The following CALCR variants were observed in gnomAD, a reference collection of about 807,000 sequenced individuals.
CALCR encodes the protein calcitonin receptor.
Under a neutral mutation model 59.5 loss-of-function variants are expected in CALCR, and 47 were observed. The observed-to-expected ratio is 0.79, with a 90% CI of 0.63 to 1.01. The LOEUF is 1.01. CALCR is among the 50% of genes least tolerant of loss of function. The pLI is 0.00. For synonymous variants in CALCR, 213 were observed against 211.3 expected, an observed-to-expected ratio of 1.01 and a Z score of -0.07; for missense variants, 566 against 597.1, an observed-to-expected ratio of 0.95 and a Z score of 0.54.
At chr7:93,446,668 G>A (rs1199851701) in intron 8 of CALCR, among the ~76,000 whole-genome samples, 1 of 151,850 alleles carries the variant, frequency 6.6e-6, no homozygotes, top group Non-Finnish European at 1.5e-5. Context: ...CAAAATGATG[G>A]GGCCTCTTGA....
chr7:93,523,976 A>G (rs1163543584), intron 2 of CALCR, among the ~76,000 whole-genome samples: 3 of 151,982 alleles, frequency 2.0e-5, no homozygotes, highest in Non-Finnish European at 4.4e-5. Flanking sequence ...CAGATAATGT[A>G]TTTATAACTC....
chr7:93,559,275 T>C (rs1018793110), intron 2 of CALCR, among the ~76,000 whole-genome samples: 3 of 152,102 alleles, frequency 2.0e-5, no homozygotes, highest in African/African-American at 7.2e-5. Flanking sequence ...TCCTGCTTAA[T>C]TAGATACTGA....
rs1800741648 is a variant in CALCR at position 93,479,381 on chromosome 7, G to A, written c.178C>T (p.Gln60Ter). The part of the protein sequence containing the change: ...DAQYKCYDRM[Q>*]QLPAYQGEGP... ...TCTCCTTGGTATGCGGGTAACTGCT[G>A]CATTCGGTCATAGCATTTGTACTGT... is the stretch of plus-strand genomic sequence containing the variant. Residue 60 changes from glutamine (Q) to a stop codon, truncating the protein, a stop_gained, in exon 4 of 14, where the codon CAG (glutamine) becomes TAG (stop). Coordinates refer to ENST00000426151, the MANE Select transcript of CALCR (RefSeq NM_001742.4). LOFTEE classifies it high-confidence loss of function. 6.2e-7 allele frequency: 1 copy of A among 1,611,214 alleles called. No individual in the cohort carries two copies. The highest frequency in any genetic ancestry group is 8.5e-7 in the Non-Finnish European group (1 of 1,178,566).
chr7:93,469,387 C>T (rs1195246601), intron 6 of CALCR, among the ~76,000 whole-genome samples: 3 of 150,928 alleles, frequency 2.0e-5, no homozygotes, highest in Admixed American at 6.6e-5. Context: ...TATGTTGACT[C>T]GGAAGAATGT....
chr7:93,502,672 T>C (rs1206291864), intron 2 of CALCR, among the ~76,000 whole-genome samples: 2 of 152,118 alleles, frequency 1.3e-5, no homozygotes, highest in African/African-American at 2.4e-5. Context: ...CATAACTTTG[T>C]CTAATGCAGT....
chr7:93,513,653 AT>A (rs1801595277), intron 2 of CALCR, among the ~76,000 whole-genome samples: 1 of 152,014 alleles, frequency 6.6e-6, no homozygotes, highest in South Asian at 2.1e-4. Flanking sequence ...CGAAAAGTTA[AT>A]TTTTTGAGAC....
chr7:93,492,420 A>T (rs1801101979), intron 2 of CALCR, among the ~76,000 whole-genome samples: 1 of 151,454 alleles, frequency 6.6e-6, no homozygotes. Flanking sequence ...ATGTATGCCT[A>T]TTATACTTGT....
intron 13 of CALCR, among the ~76,000 whole-genome samples, chr7:93,427,692 T>C (rs1799559559): frequency 6.6e-6 from 1 of 152,176 alleles, no homozygotes; most frequent in Admixed American, 6.5e-5. Context: ...CAAAACTGAT[T>C]AATGTTATAA....
At chr7:93,456,529 C>T (rs1168203603) in intron 8 of CALCR, among the ~76,000 whole-genome samples, 1 of 151,908 alleles carries the variant, frequency 6.6e-6, no homozygotes, top group East Asian at 1.9e-4. Context: ...TGAGACTTGG[C>T]TCATTGTGAG....
chr7:93,529,567 T>A (rs1175856273), intron 2 of CALCR, among the ~76,000 whole-genome samples: 1 of 152,194 alleles, frequency 6.6e-6, no homozygotes, highest in African/African-American at 2.4e-5. Context: ...ATATTTATTT[T>A]TATTATTTTT....
chr7:93,552,691 T>A (rs986860127), intron 2 of CALCR, among the ~76,000 whole-genome samples: 1 of 152,206 alleles, frequency 6.6e-6, no homozygotes, highest in Non-Finnish European at 1.5e-5. Flanking sequence ...GAAGCCTAAT[T>A]TCTTTGACAA....
chr7:93,568,713 C>G (rs1233106749), intron 2 of CALCR, among the ~76,000 whole-genome samples: 1 of 151,486 alleles, frequency 6.6e-6, no homozygotes, highest in Non-Finnish European at 1.5e-5. Flanking sequence ...TCTTTATTCC[C>G]TGTTTTTACT....
intron 9 of CALCR, among the ~76,000 whole-genome samples, chr7:93,440,652 C>T (rs565293040): frequency 2.6e-4 from 39 of 152,106 alleles, no homozygotes; most frequent in South Asian, 1.5e-3. Flanking sequence ...AGTCCATCTA[C>T]GGAAGTGCAA....
At chr7:93,561,440 A>G (rs1789745862) in intron 2 of CALCR, among the ~76,000 whole-genome samples, 1 of 152,152 alleles carries the variant, frequency 6.6e-6, no homozygotes, top group Non-Finnish European at 1.5e-5. Flanking sequence ...TGCTTTTTCA[A>G]AAGAGCCCAG....
chr7:93,487,065 G>T lies in CALCR; in HGVS notation c.-26-58C>A. On this transcript the variant is annotated intron_variant, in intron 2 of 13. Coordinates refer to ENST00000426151, the MANE Select transcript of CALCR (RefSeq NM_001742.4). The stretch of plus-strand genomic sequence containing the variant: ...TTAATATATCTCTAATATTGGCTAT[G>T]GCATTTCATTTTCATTTTTTCTATT... 4.6e-6 allele frequency: 4 copies of T among 877,692 alleles called. No homozygotes were observed. The South Asian group carries it at 6.2e-5, about 14-fold the overall frequency. 54.4% of individuals were successfully genotyped at this position (877,692 alleles called of 1,614,324 possible).
At chr7:93,518,785 A>G (rs1481981042) in intron 2 of CALCR, among the ~76,000 whole-genome samples, 2 of 151,976 alleles carry the variant, frequency 1.3e-5, no homozygotes, top group Non-Finnish European at 2.9e-5. Flanking sequence ...AAGACCTTCA[A>G]GGAGCATTGT....
intron 3 of CALCR, chr7:93,483,960 T>C: frequency 1.9e-6 from 1 of 516,064 alleles, no homozygotes; most frequent in Non-Finnish European, 4.1e-6. Flanking sequence ...GCCGTATATG[T>C]GATGTCACTC....
chr7:93,512,971 T>C (rs1035887056), intron 2 of CALCR, among the ~76,000 whole-genome samples: 4 of 152,172 alleles, frequency 2.6e-5, no homozygotes, highest in Non-Finnish European at 5.9e-5. Context: ...GCCTGTTATA[T>C]AACAAAACAG....
chr7:93,556,498 A>C lies in CALCR; in HGVS notation c.-27+17791T>G, dbSNP rs145542871. 3.5e-3 allele frequency among the ~76,000 whole-genome samples: 536 copies of C among 152,102 alleles called. 5 individuals are homozygous for C. The highest frequency in any genetic ancestry group is 0.012 in the African/African-American group (505 of 41,528). On this transcript the variant is annotated intron_variant, in intron 2 of 13. Coordinates refer to ENST00000426151, the MANE Select transcript of CALCR (RefSeq NM_001742.4). ...AAACTGGAGATAACTTTTGTTTTGT[A>C]ATTTATTTTATGTGTAAAAGTTTTC... is the stretch of plus-strand genomic sequence containing the variant.
Sources: gnomAD v4.1 joint callset for allele counts (sites outside exome capture counted in the v4.1 genomes callset) on GRCh38, gnomAD v4.1.1 for gene constraint, MANE v1.5 for transcripts, NCBI Gene and HGNC (gene_info 2026-07-23, HGNC 2026-07-21) for gene names.